ARRB1: variants seen among roughly 807,000 people sequenced by gnomAD.
The protein encoded by ARRB1 is beta-arrestin-1.
In ARRB1, 21 loss-of-function variants were observed where a neutral mutation model predicts 56.8. The ratio of observed to expected loss-of-function variants is 0.37; its 90% CI spans 0.26 to 0.53. The LOEUF is 0.53. Ranked by LOEUF, ARRB1 falls within the 20% of genes least tolerant of loss-of-function variation. ARRB1 has a pLI of 0.88. For missense variants in ARRB1, 424 were observed against 553.7 expected, an observed-to-expected ratio of 0.77 and a Z score of 2.35; for synonymous variants, 210 against 218.6, an observed-to-expected ratio of 0.96 and a Z score of 0.35.
At chr11:75,347,310 T>G (rs1947785600) in intron 1 of ARRB1, among the ~76,000 whole-genome samples, 1 of 152,172 alleles carries the variant, frequency 6.6e-6, no homozygotes, top group Non-Finnish European at 1.5e-5. Flanking sequence ...CTTCCCCATG[T>G]TCCAGCCAAG....
intron 3 of ARRB1, among the ~76,000 whole-genome samples, chr11:75,285,177 G>A (rs1174214391): frequency 6.6e-6 from 1 of 152,218 alleles, no homozygotes; most frequent in African/African-American, 2.4e-5. Context: ...GTGATCTGCA[G>A]TGCCTCCCTC....
chr11:75,342,750 G>A (rs1947709921), intron 1 of ARRB1, among the ~76,000 whole-genome samples: 1 of 152,188 alleles, frequency 6.6e-6, no homozygotes, highest in African/African-American at 2.4e-5. Context: ...CGTGGCCGGG[G>A]CACCTATTTA....
chr11:75,276,951 T>C (rs1190835534), intron 9 of ARRB1, 40 bp from the exon 10 acceptor site: 2 of 1,604,086 alleles, frequency 1.2e-6, no homozygotes. Context: ...GAGTCGGGAA[T>C]GTAGCTCCCA....
intron 1 of ARRB1, among the ~76,000 whole-genome samples, chr11:75,314,990 C>T (rs1260134051): frequency 6.6e-6 from 1 of 151,828 alleles, no homozygotes; most frequent in African/African-American, 2.4e-5. Flanking sequence ...ATGACAGCTG[C>T]TCTTTCCATT....
chr11:75,320,187 G>C (rs1174094769), intron 1 of ARRB1, among the ~76,000 whole-genome samples: 1 of 152,168 alleles, frequency 6.6e-6, no homozygotes, highest in Non-Finnish European at 1.5e-5. Context: ...TGGTGAAGAG[G>C]GCATTAAGGG....
At chr11:75,306,867 C>T (rs2140474496) in intron 1 of ARRB1, among the ~76,000 whole-genome samples, 1 of 152,348 alleles carries the variant, frequency 6.6e-6, no homozygotes, top group Non-Finnish European at 1.5e-5. Context: ...GGGTGAGGGT[C>T]TCCCCAAGGA....
intron 11 of ARRB1, among the ~76,000 whole-genome samples, chr11:75,273,247 G>A (rs911014848): frequency 6.6e-6 from 1 of 152,134 alleles, no homozygotes; most frequent in South Asian, 2.1e-4. Context: ...CAGCGTCCCC[G>A]CCATGAGGGC....
chr11:75,344,970 A>C (rs933008231), intron 1 of ARRB1, among the ~76,000 whole-genome samples: 19 of 152,172 alleles, frequency 1.2e-4, no homozygotes, highest in African/African-American at 4.3e-4. Flanking sequence ...CAGACATTGC[A>C]TCCTGCCTCC....
At chr11:75,337,786 CTTTTTTTTTTTTTTTTTTTTTT>C (rs71036046) in intron 1 of ARRB1, among the ~76,000 whole-genome samples, 2 of 38,452 alleles carry the variant, frequency 5.2e-5, no homozygotes, top group Non-Finnish European at 8.6e-5. Context: ...ATTGAAATGT[CTTTTTTTTTTTTTTTTTTTTTT>C]TTTTTTTTTG....
At chr11:75,304,469 G>A (rs1008562683) in intron 1 of ARRB1, among the ~76,000 whole-genome samples, 2 of 152,062 alleles carry the variant, frequency 1.3e-5, no homozygotes, top group South Asian at 2.1e-4. Flanking sequence ...TCTGGATGGG[G>A]TGCCCACGGT....
chr11:75,305,023 T>TTC (rs1554978742), intron 1 of ARRB1, among the ~76,000 whole-genome samples: 6 of 136,246 alleles, frequency 4.4e-5, no homozygotes, highest in East Asian at 4.1e-4. Context: ...TCTTTCTTTT[T>TTC]TTTTTTTTTT....
At chr11:75,295,239 A>AG (rs1205448664) in intron 1 of ARRB1, among the ~76,000 whole-genome samples, 1 of 151,220 alleles carries the variant, frequency 6.6e-6, no homozygotes, top group African/African-American at 2.4e-5. Context: ...AAAAAAAAAA[A>AG]AAAAAAACAC....
At chr11:75,313,983 C>T (rs1947218476) in intron 1 of ARRB1, among the ~76,000 whole-genome samples, 1 of 152,204 alleles carries the variant, frequency 6.6e-6, no homozygotes, top group Admixed American at 6.5e-5. Flanking sequence ...CCTAAAAACT[C>T]TTAACCGCTC....
chr11:75,277,061 A>C lies in ARRB1; in HGVS notation c.704-150T>G, dbSNP rs576900633. ...CTGCATAAGACCACCCCTGTCTTAC[A>C]TCCAAAGGGTAGCCCCAAACACACC... On this transcript the variant is annotated intron_variant, in intron 9 of 15. Coordinates refer to ENST00000420843, the MANE Select transcript of ARRB1 (RefSeq NM_004041.5). 239 of 739,534 alleles carry C rather than the reference A, an allele frequency of 3.2e-4. 1 individual carries two copies. In the African/African-American group the frequency reaches 3.7e-3, roughly 11 times the overall value. 45.8% of individuals were successfully genotyped at this position (739,534 alleles called of 1,614,324 possible).
At chr11:75,268,534 A>AAAG (rs1554971562) in intron 14 of ARRB1, among the ~76,000 whole-genome samples, 4 of 145,320 alleles carry the variant, frequency 2.8e-5, no homozygotes, top group African/African-American at 7.8e-5. Flanking sequence ...AAAAAAAAAA[A>AAAG]AAGAAGAAGA....
intron 1 of ARRB1, among the ~76,000 whole-genome samples, chr11:75,327,641 T>G (rs1221939288): frequency 6.7e-6 from 1 of 150,328 alleles, no homozygotes. Context: ...CAGGCTAGAG[T>G]GCAGTGGCGT....
chr11:75,347,492 AATCTG>A (rs1166951630), intron 1 of ARRB1, among the ~76,000 whole-genome samples: 2 of 152,174 alleles, frequency 1.3e-5, no homozygotes, highest in Non-Finnish European at 2.9e-5. Context: ...CTGTTGTCTA[AATCTG>A]ATCCTTCATG....
At chr11:75,305,743 G>A (rs530450837) in intron 1 of ARRB1, among the ~76,000 whole-genome samples, 5 of 151,984 alleles carry the variant, frequency 3.3e-5, no homozygotes, top group Non-Finnish European at 7.4e-5. Flanking sequence ...TCGTGTGCAC[G>A]CACTCTACAC....
At chr11:75,320,962 G>A (rs1338300369) in intron 1 of ARRB1, among the ~76,000 whole-genome samples, 2 of 151,404 alleles carry the variant, frequency 1.3e-5, no homozygotes, top group African/African-American at 4.9e-5. Flanking sequence ...GAGCAATAGG[G>A]AGACATCATC....
Sources: gnomAD v4.1 joint callset for allele counts (sites outside exome capture counted in the v4.1 genomes callset) on GRCh38, gnomAD v4.1.1 for gene constraint, MANE v1.5 for transcripts, NCBI Gene and HGNC (gene_info 2026-07-23, HGNC 2026-07-21) for gene names.